Variants in AZIN2 observed in about 807,000 individuals in gnomAD.
AZIN2 encodes antizyme inhibitor 2, also known as ODC antizyme inhibitor-2.
In AZIN2, 28 loss-of-function variants were observed where a neutral mutation model predicts 47.8. The ratio of observed to expected loss-of-function variants is 0.59; its 90% confidence interval spans 0.43 to 0.80. The LOEUF is 0.80. Among genes scored for constraint, AZIN2 ranks in the 30% least tolerant of loss-of-function variants. AZIN2 has a pLI of 0.00. For synonymous variants in AZIN2, 221 were observed against 239.4 expected (o/e 0.92, Z 0.71); for missense variants, 535 against 582.5 (o/e 0.92, Z 0.84).
At chr1:33,109,584 C>CT (rs1323396402) in intron 10 of AZIN2, among the ~76,000 whole-genome samples, 1 of 152,128 alleles carries the variant, frequency 6.6e-6, no homozygotes, top group Non-Finnish European at 1.5e-5. Context: ...CTGCCTCGAC[C>CT]TCCCAAAGTG....
At chr1:33,088,229 G>A (rs907452814) in intron 5 of AZIN2, among the ~76,000 whole-genome samples, 10 of 152,148 alleles carry the variant, frequency 6.6e-5, no homozygotes, top group African/African-American at 2.4e-4. Flanking sequence ...ATGTTCAAAT[G>A]TGCTCCTGAT....
chr1:33,159,919 G>A, the AZIN2 span: 1 of 1,606,692 alleles, frequency 6.2e-7, no homozygotes, highest in Admixed American at 1.7e-5. The surrounding 1 kb of genome is among the most constrained non-coding windows in gnomAD (Gnocchi z 4.2). Flanking sequence ...CTCGCCGATA[G>A]TGGTCCGCAG....
chr1:33,145,630 C>T, the AZIN2 span: 1 of 268,160 alleles, frequency 3.7e-6, no homozygotes, highest in Non-Finnish European at 7.4e-6. Context: ...GTGTCAGAGA[C>T]CCCAAGTGCA....
chr1:33,162,285 C>T, the AZIN2 span, among the ~76,000 whole-genome samples: 1 of 152,222 alleles, frequency 6.6e-6, no homozygotes, highest in East Asian at 1.9e-4. Flanking sequence ...TGCATTGCAA[C>T]TCCACCTGCC....
At chr1:33,165,764 C>G in the AZIN2 span, 1 of 418,594 alleles carries the variant, frequency 2.4e-6, no homozygotes, top group Middle Eastern at 6.2e-4. The surrounding 1 kb of genome is among the most constrained non-coding windows in gnomAD (Gnocchi z 4.0). Flanking sequence ...CCGTATCTTT[C>G]ACCTGCATCT....
chr1:33,153,609 T>C, the AZIN2 span, among the ~76,000 whole-genome samples: 3 of 152,212 alleles, frequency 2.0e-5, no homozygotes, highest in Non-Finnish European at 4.4e-5. Flanking sequence ...TGAGAAACCC[T>C]GCACTGGGGT....
At chr1:33,132,079 A>G in the AZIN2 span, among the ~76,000 whole-genome samples, 3,804 of 152,252 alleles carry the variant, frequency 0.025, 161 homozygotes, top group African/African-American at 0.087. Flanking sequence ...GACATCCCAC[A>G]TTCCAATTTC....
the AZIN2 span, among the ~76,000 whole-genome samples, chr1:33,162,026 A>T: frequency 6.6e-6 from 1 of 151,906 alleles, no homozygotes; most frequent in Non-Finnish European, 1.5e-5. Context: ...CATTTTTCCA[A>T]CAGTCTCCCC....
the AZIN2 span, among the ~76,000 whole-genome samples, chr1:33,134,130 A>G: frequency 1.3e-5 from 2 of 152,202 alleles, no homozygotes; most frequent in Non-Finnish European, 2.9e-5. Context: ...TGCTCTGAAC[A>G]CTTACCGTGG....
At chr1:33,137,001 A>G in the AZIN2 span, among the ~76,000 whole-genome samples, 1 of 151,786 alleles carries the variant, frequency 6.6e-6, no homozygotes, top group Non-Finnish European at 1.5e-5. Flanking sequence ...AGTCTCCAAA[A>G]AAAAAAAAAG....
chr1:33,158,176 C>T, the AZIN2 span: 20 of 1,343,230 alleles, frequency 1.5e-5, no homozygotes, highest in Non-Finnish European at 2.1e-5. Context: ...CTGCCCCATG[C>T]TGTGTTTAGG....
At chr1:33,105,662 T>C (rs1005179967) in intron 10 of AZIN2, among the ~76,000 whole-genome samples, 2 of 151,988 alleles carry the variant, frequency 1.3e-5, no homozygotes, top group Non-Finnish European at 2.9e-5. Context: ...TCCAATCACC[T>C]CCCAACAGGC....
the AZIN2 span, chr1:33,147,453 G>A: frequency 7.5e-4 from 1,215 of 1,613,944 alleles, 16 homozygotes; most frequent in East Asian, 0.021. This position sits in a 1 kb window ranked among gnomAD's most constrained non-coding sequence, Gnocchi z 8.1. Context: ...AGTAGAAGCC[G>A]CGGCTGGGCT....
At chr1:33,087,804 A>G (rs1642094764) in intron 5 of AZIN2, among the ~76,000 whole-genome samples, 1 of 152,012 alleles carries the variant, frequency 6.6e-6, no homozygotes, top group East Asian at 1.9e-4. Flanking sequence ...AAGGCTTCAG[A>G]AGTGTATAAG....
intron 5 of AZIN2, among the ~76,000 whole-genome samples, chr1:33,088,260 A>G (rs78511668): frequency 0.027 from 4,036 of 152,210 alleles, 189 homozygotes; most frequent in African/African-American, 0.092. Flanking sequence ...CCCGTCATGA[A>G]GGGCCCCCTC....
At chr1:33,101,736 G>T in intron 10 of AZIN2, 1 of 654,982 alleles carries the variant, frequency 1.5e-6, no homozygotes, top group Non-Finnish European at 2.8e-6. Context: ...TCTATTCCTC[G>T]AGTGTATTTA....
At chr1:33,136,479 A>G in the AZIN2 span, among the ~76,000 whole-genome samples, 1 of 151,358 alleles carries the variant, frequency 6.6e-6, no homozygotes, top group South Asian at 2.1e-4. Context: ...AGCAATTCTC[A>G]TGCCTCAGCC....
chr1:33,158,216 C>A, the AZIN2 span: 14 of 1,584,870 alleles, frequency 8.8e-6, no homozygotes, highest in South Asian at 1.2e-4. Flanking sequence ...TGGGACATGC[C>A]CCACCTAGCT....
intron 10 of AZIN2, among the ~76,000 whole-genome samples, chr1:33,101,278 A>T (rs1306665419): frequency 1.3e-5 from 2 of 151,348 alleles, no homozygotes; most frequent in Admixed American, 1.3e-4. Flanking sequence ...GCCCCAAGCG[A>T]TTGTCCAGCC....
Sources: allele counts gnomAD v4.1 joint callset (sites outside exome capture counted in the v4.1 genomes callset), GRCh38; gene constraint gnomAD v4.1.1; non-coding constraint Gnocchi (gnomAD v3.1); transcripts MANE v1.5; gene names NCBI Gene and HGNC (gene_info 2026-07-23, HGNC 2026-07-21).